The following RNF216 variants were observed in gnomAD, a reference collection of about 807,000 sequenced individuals.
RNF216 encodes the protein ring finger protein 216.
A neutral mutation model predicts 110.8 loss-of-function variants in RNF216; 72 were observed. The observed-to-expected ratio is 0.65, with a 90% CI of 0.54 to 0.79. RNF216 has a LOEUF of 0.79. Ranked by LOEUF, RNF216 falls within the 30% of genes least tolerant of loss-of-function variation. The pLI is 0.00. For missense variants in RNF216, 1,342 were observed against 1,141.2 expected (o/e 1.18, Z -2.54); for synonymous variants, 495 against 407.5 (o/e 1.21, Z -2.59).
intron 13 of RNF216, among the ~76,000 whole-genome samples, chr7:5,692,522 C>T (rs961117057): frequency 2.0e-5 from 3 of 152,208 alleles, no homozygotes; most frequent in Non-Finnish European, 4.4e-5. Flanking sequence ...AGGTTTCTCA[C>T]TGGCTGTATC....
intron 1 of RNF216, among the ~76,000 whole-genome samples, chr7:5,769,138 T>G (rs1411240262): frequency 8.8e-5 from 9 of 102,576 alleles, no homozygotes; most frequent in East Asian, 6.0e-4. Context: ...TTTTTTTTTT[T>G]GACGGAGTTC....
chr7:5,637,195 T>TG (rs1247987864), intron 15 of RNF216, among the ~76,000 whole-genome samples: 2 of 152,200 alleles, frequency 1.3e-5, no homozygotes, highest in African/African-American at 4.8e-5. Flanking sequence ...AGAAGGGCTG[T>TG]GCCTGGGAAT....
chr7:5,636,319 C>A (rs977133065), intron 15 of RNF216, among the ~76,000 whole-genome samples: 1 of 152,166 alleles, frequency 6.6e-6, no homozygotes, highest in East Asian at 1.9e-4. Flanking sequence ...AAAGAAGACA[C>A]CTTCTTTATA....
intron 13 of RNF216, among the ~76,000 whole-genome samples, chr7:5,669,169 A>C (rs1335573958): frequency 6.6e-6 from 1 of 152,210 alleles, no homozygotes; most frequent in Admixed American, 6.5e-5. Flanking sequence ...CCTGAGAGGA[A>C]TATGGGCGGT....
At chr7:5,706,219 CA>C (rs56894423) in intron 13 of RNF216, among the ~76,000 whole-genome samples, 15,506 of 70,714 alleles carry the variant, frequency 0.22, 1,167 homozygotes, top group African/African-American at 0.38. Context: ...CACTCCATCT[CA>C]AAAAAAAAAA....
intron 13 of RNF216, among the ~76,000 whole-genome samples, chr7:5,682,974 CAT>C (rs1176166660): frequency 2.0e-5 from 3 of 152,136 alleles, no homozygotes; most frequent in African/African-American, 7.2e-5. Flanking sequence ...GGTAAACCAA[CAT>C]AAATCTGTGT....
chr7:5,736,187 G>A (rs1474900312), intron 5 of RNF216, among the ~76,000 whole-genome samples: 5 of 152,200 alleles, frequency 3.3e-5, no homozygotes, highest in African/African-American at 7.2e-5. Flanking sequence ...GGACTGTACT[G>A]CTGCCATCTC....
chr7:5,714,097 G>C (rs1792890374), intron 11 of RNF216, among the ~76,000 whole-genome samples: 1 of 152,106 alleles, frequency 6.6e-6, no homozygotes, highest in Non-Finnish European at 1.5e-5. Context: ...CCGAGTAGCT[G>C]GATTACAGGC....
chr7:5,768,857 T>A (rs905712020), intron 1 of RNF216, among the ~76,000 whole-genome samples: 1 of 151,570 alleles, frequency 6.6e-6, no homozygotes, highest in African/African-American at 2.4e-5. Context: ...GAGACAGGGT[T>A]TCACCATGTT....
intron 13 of RNF216, among the ~76,000 whole-genome samples, chr7:5,697,958 T>G (rs1483651149): frequency 6.6e-6 from 1 of 152,200 alleles, no homozygotes; most frequent in Admixed American, 6.5e-5. Context: ...GAAGAAATTG[T>G]GATCTATTTC....
At chr7:5,631,938 G>A (rs1325348263) in intron 15 of RNF216, among the ~76,000 whole-genome samples, 3 of 152,168 alleles carry the variant, frequency 2.0e-5, no homozygotes, top group South Asian at 2.1e-4. Flanking sequence ...CCTTCTCCAC[G>A]CCACGGGAGG....
At chr7:5,778,306 C>A (rs1796894471) in intron 1 of RNF216, among the ~76,000 whole-genome samples, 1 of 152,194 alleles carries the variant, frequency 6.6e-6, no homozygotes, top group African/African-American at 2.4e-5. Context: ...TTCTTCACTG[C>A]CTCTTGGACC....
At chr7:5,668,164 G>A (rs1269268682) in intron 13 of RNF216, among the ~76,000 whole-genome samples, 1 of 151,954 alleles carries the variant, frequency 6.6e-6, no homozygotes, top group Admixed American at 6.6e-5. Flanking sequence ...GGCTGCCCCT[G>A]GTAGTTTTTC....
At chr7:5,773,487 C>T (rs754515569) in intron 1 of RNF216, among the ~76,000 whole-genome samples, 1 of 152,140 alleles carries the variant, frequency 6.6e-6, no homozygotes, top group East Asian at 1.9e-4. Flanking sequence ...GTGATTTCCC[C>T]GCCTTGGTCT....
At chr7:5,659,644 G>A (rs1264059631) in intron 13 of RNF216, among the ~76,000 whole-genome samples, 3 of 152,196 alleles carry the variant, frequency 2.0e-5, no homozygotes, top group Non-Finnish European at 4.4e-5. Flanking sequence ...GGGGTTGTAG[G>A]ACCTTGCAGC....
chr7:5,638,226 A>G (rs1393095978), intron 15 of RNF216, among the ~76,000 whole-genome samples: 1 of 152,196 alleles, frequency 6.6e-6, no homozygotes, highest in Non-Finnish European at 1.5e-5. Context: ...TCCATGTTTT[A>G]AAGTGTAGAT....
rs754291429 is a variant in RNF216, at chr7:5,761,004, T to G, written c.66A>C (p.Gln22His). 1.5e-5 allele frequency: 23 copies of G among 1,570,158 alleles called. No individual in the cohort carries two copies. The East Asian group carries it at 5.3e-4, about 36-fold the overall frequency. Residue 22 changes from glutamine (Q) to histidine (H), a missense_variant and splice_region_variant, in exon 2 of 17, where the codon CAA becomes CAC. By Grantham distance (24) the Gln-to-His change is conservative. Transcript: ENST00000389902. Reference protein sequence around the residue: ...HLNNFHCHRGQEWINLRDGPI... With the variant: ...HLNNFHCHRGHEWINLRDGPI... ...ATGAAGTGAGAACAAACAACTTACC[T>G]TGTCCCCGATGGCAGTGAAAGTTGT...
chr7:5,759,799 T>C (rs1296976495), intron 2 of RNF216, among the ~76,000 whole-genome samples: 1 of 151,940 alleles, frequency 6.6e-6, no homozygotes. Flanking sequence ...GCCCAGCTAA[T>C]TTTTGTATTT....
chr7:5,774,758 ACTTTT>A (rs1159137872), intron 1 of RNF216, among the ~76,000 whole-genome samples: 2 of 122,748 alleles, frequency 1.6e-5, no homozygotes, highest in African/African-American at 2.8e-5. Flanking sequence ...ATTCCAAGTT[ACTTTT>A]TTTTTTTTTA....
Sources: gnomAD v4.1 joint callset for allele counts (sites outside exome capture counted in the v4.1 genomes callset) on GRCh38, gnomAD v4.1.1 for gene constraint, MANE v1.5 for transcripts, NCBI Gene and HGNC (gene_info 2026-07-23, HGNC 2026-07-21) for gene names.